Variants in SLC6A16 observed in about 807,000 individuals in gnomAD.
SLC6A16 encodes orphan sodium- and chloride-dependent neurotransmitter transporter NTT5.
Under a neutral mutation model 65.4 loss-of-function variants are expected in SLC6A16, and 54 were observed. That is an observed-to-expected ratio of 0.83 (90% confidence interval 0.66 to 1.04). SLC6A16 has a LOEUF of 1.04. Ranked by LOEUF, SLC6A16 falls within the 50% of genes least tolerant of loss-of-function variation. SLC6A16 has a pLI of 0.00. For synonymous variants in SLC6A16, 330 were observed against 346.5 expected, an observed-to-expected ratio of 0.95 and a Z score of 0.53; for missense variants, 816 against 914.0, an observed-to-expected ratio of 0.89 and a Z score of 1.38.
At position 49,293,391 on chromosome 19, in the gene SLC6A16, A is replaced by C; in HGVS notation, c.1619-9T>G. On this transcript the variant is annotated splice_polypyrimidine_tract_variant and intron_variant, in intron 9 of 11. Transcript: ENST00000335875. ...GAGCAAAAAGACTCCCACTGGAGAA[A>C]ACATGAGATCTGGATCAAGGTTAGA... 1.1e-5 allele frequency: 17 copies of C among 1,613,938 alleles called. No individual in the cohort carries two copies. Among genetic ancestry groups the C allele is most frequent in the Non-Finnish European group, 1.4e-5 (17 of 1,179,950 alleles).
chr19:49,309,136 G>A lies in SLC6A16; in HGVS notation c.988-19C>T. ...CCGATATCTAAAAGAGAGAAGACAA[G>A]CATAAGGGGGTTGTAAAAGAAGAAG... is the stretch of plus-strand genomic sequence containing the variant. On this transcript the variant is annotated intron_variant, in intron 6 of 11. Coordinates refer to ENST00000335875, the MANE Select transcript of SLC6A16 (RefSeq NM_014037.3). 6.2e-7 allele frequency: 1 copy of A among 1,611,736 alleles called. No homozygotes were observed. Among genetic ancestry groups the A allele is most frequent in the South Asian group, 1.1e-5 (1 of 90,896 alleles).
intron 7 of SLC6A16, among the ~76,000 whole-genome samples, chr19:49,295,763 G>C (rs1160256620): frequency 6.6e-6 from 1 of 152,046 alleles, no homozygotes; most frequent in Non-Finnish European, 1.5e-5. Flanking sequence ...TACAAAAGGG[G>C]GCCATGGAGG....
In SLC6A16 at chr19:49,294,384, C is replaced by T; in HGVS notation, c.1399G>A (p.Glu467Lys). Residue 467 changes from glutamate (E) to lysine (K), a missense_variant, in exon 8 of 12, where the codon GAG (glutamate) becomes AAG (lysine). Glu to Lys is a moderately conservative substitution (Grantham distance 56, BLOSUM62 1). Transcript: ENST00000335875. ...TTACTGACCTTAAGAAACTGAGTCT[C>T]TATGTTGCACTCAGTCACCTCGCGG... ...VLREVTECNI[E>K]TQFLKASEGP... The T allele has an allele frequency of 1.2e-6, 2 of 1,614,072 alleles. No individual in the cohort carries two copies. The highest frequency in any genetic ancestry group is 1.7e-6 in the Non-Finnish European group (2 of 1,179,992).
chr19:49,338,656 T>C, the SLC6A16 span: 14 of 1,416,036 alleles, frequency 9.9e-6, no homozygotes, highest in African/African-American at 1.3e-4. This position sits in a 1 kb window ranked among gnomAD's most constrained non-coding sequence, Gnocchi z 5.0. Flanking sequence ...CCCAACATCA[T>C]ATGTCTCCAG....
chr19:49,317,197 CAG>C, intron 1 of SLC6A16, among the ~76,000 whole-genome samples: 1 of 151,980 alleles, frequency 6.6e-6, no homozygotes, highest in East Asian at 1.9e-4. Context: ...AAAAATTAGC[CAG>C]GCATGGTGGG....
intron 7 of SLC6A16, among the ~76,000 whole-genome samples, chr19:49,303,652 C>CAAAAAAA (rs59791436): frequency 2.3e-5 from 2 of 87,894 alleles, no homozygotes; most frequent in South Asian, 4.1e-4. Context: ...GAGACTGTCT[C>CAAAAAAA]AAAAAAAAAA....
At chr19:49,337,922 C>G in the SLC6A16 span, 1 of 1,613,902 alleles carries the variant, frequency 6.2e-7, no homozygotes, top group Non-Finnish European at 8.5e-7. Flanking sequence ...GGTGGCCTCT[C>G]AGCTGGAGCG....
At chr19:49,332,795 C>T in the SLC6A16 span, among the ~76,000 whole-genome samples, 84 of 152,180 alleles carry the variant, frequency 5.5e-4, no homozygotes, top group Middle Eastern at 0.01. Flanking sequence ...AGGATGGTGG[C>T]CTTGGAAAGA....
chr19:49,295,725 G>A (rs1300485996), intron 7 of SLC6A16, among the ~76,000 whole-genome samples: 1 of 152,192 alleles, frequency 6.6e-6, no homozygotes, highest in Non-Finnish European at 1.5e-5. Context: ...AACTGGACCT[G>A]CAGTTTCCAA....
chr19:49,301,773 G>A (rs1970296587), intron 7 of SLC6A16, among the ~76,000 whole-genome samples: 1 of 152,168 alleles, frequency 6.6e-6, no homozygotes, highest in Admixed American at 6.5e-5. Flanking sequence ...ACCAGACCCA[G>A]GGACTCACCC....
At chr19:49,334,008 G>A in the SLC6A16 span, among the ~76,000 whole-genome samples, 18 of 152,288 alleles carry the variant, frequency 1.2e-4, no homozygotes, top group African/African-American at 3.4e-4. Context: ...CTCAGCTTCC[G>A]CTGGGGGTGT....
chr19:49,334,994 G>A, the SLC6A16 span, among the ~76,000 whole-genome samples: 1 of 152,122 alleles, frequency 6.6e-6, no homozygotes, highest in African/African-American at 2.4e-5. Flanking sequence ...CTGAGATAAG[G>A]GGACAGAGAT....
chr19:49,339,252 G>A, the SLC6A16 span: 5 of 1,315,894 alleles, frequency 3.8e-6, no homozygotes, highest in Non-Finnish European at 4.3e-6. This position sits in a 1 kb window ranked among gnomAD's most constrained non-coding sequence, Gnocchi z 4.5. Flanking sequence ...GACGGTGAGG[G>A]TTGGCCTGAA....
chr19:49,323,804 G>A (rs1970754381), intron 1 of SLC6A16, among the ~76,000 whole-genome samples: 1 of 152,174 alleles, frequency 6.6e-6, no homozygotes, highest in Non-Finnish European at 1.5e-5. Flanking sequence ...CACTATGGTG[G>A]TTCCTCAAAA....
chr19:49,339,530 C>T, the SLC6A16 span: 3 of 1,468,622 alleles, frequency 2.0e-6, no homozygotes, highest in Non-Finnish European at 1.8e-6. The surrounding 1 kb of genome is among the most constrained non-coding windows in gnomAD (Gnocchi z 4.5). Flanking sequence ...CGCAGCCCAC[C>T]CCGGCCCTCC....
chr19:49,330,993 A>AGT, the SLC6A16 span, among the ~76,000 whole-genome samples: 1 of 151,968 alleles, frequency 6.6e-6, no homozygotes, highest in African/African-American at 2.4e-5. Flanking sequence ...TTTCTGATTG[A>AGT]GCAGGTATAT....
chr19:49,313,613 C>A (rs1970564754), intron 1 of SLC6A16, among the ~76,000 whole-genome samples: 1 of 130,276 alleles, frequency 7.7e-6, no homozygotes, highest in African/African-American at 3.1e-5. Flanking sequence ...AACCCTATCT[C>A]TACTAAAAAT....
Position 49,309,664 on chromosome 19 carries a change from T to G in SLC6A16, c.863A>C (p.Lys288Thr), listed in dbSNP as rs768673694. The G allele has an allele frequency of 6.2e-7, 1 of 1,613,518 alleles. No homozygotes were observed. Among genetic ancestry groups the G allele is most frequent in the Non-Finnish European group, 8.5e-7 (1 of 1,179,480 alleles). ...LVGAFMINGL[K>T]STGKVIYVLV... ...CTGGTGGCTCACCTTCCCAGTGGAC[T>G]TGAGCCCATTGATCATGAAAGCACC... The change falls in exon 5 of 12, where the codon AAG (lysine) becomes ACG (threonine). Residue 288 changes from lysine to threonine, a missense_variant. Coordinates refer to ENST00000335875, the MANE Select transcript of SLC6A16 (RefSeq NM_014037.3).
chr19:49,293,531 T>A, intron 9 of SLC6A16, 149 bp from the exon 10 acceptor site: 1 of 734,310 alleles, frequency 1.4e-6, no homozygotes, highest in Non-Finnish European at 2.2e-6. Context: ...TTGGGGAGCC[T>A]AAGTGGGCAG....
Sources: gnomAD v4.1 joint callset for allele counts (sites outside exome capture counted in the v4.1 genomes callset) on GRCh38, gnomAD v4.1.1 for gene constraint, Gnocchi (gnomAD v3.1) non-coding constraint, MANE v1.5 for transcripts, NCBI Gene and HGNC (gene_info 2026-07-23, HGNC 2026-07-21) for gene names.